PALMD: variants seen among roughly 807,000 people sequenced by gnomAD.
The protein encoded by PALMD is paralemmin-like protein.
PALMD carries 42 observed loss-of-function variants against 56.2 expected under a neutral mutation model. The observed-to-expected ratio is 0.75, with a 90% confidence interval of 0.58 to 0.97. PALMD has a LOEUF of 0.97. PALMD is among the 50% of genes least tolerant of loss of function. The pLI, the probability that PALMD is intolerant of heterozygous loss-of-function variation, is 0.00. For synonymous variants in PALMD, 242 were observed against 222.9 expected (o/e 1.09, Z -0.76); for missense variants, 660 against 643.8 (o/e 1.03, Z -0.27).
chr1:99,659,326 G>A (rs143696230), intron 1 of PALMD, among the ~76,000 whole-genome samples: 47 of 152,236 alleles, frequency 3.1e-4, no homozygotes, highest in African/African-American at 1.0e-3. Flanking sequence ...ATTTCTGGGC[G>A]TCAGTTGCTA....
chr1:99,654,547 C>T (rs1271736545), intron 1 of PALMD, among the ~76,000 whole-genome samples: 1 of 152,000 alleles, frequency 6.6e-6, no homozygotes, highest in East Asian at 1.9e-4. Flanking sequence ...TCATATACTT[C>T]CAAATTTATT....
chr1:99,689,373 C>A lies in PALMD; in HGVS notation c.1113C>A (p.Pro371=). 6.2e-7 allele frequency: 1 copy of A among 1,613,734 alleles called. No individual in the cohort carries two copies. Residue 371 remains proline, a synonymous_variant, in exon 7 of 8, where the codon CCC becomes CCA. Coordinates refer to ENST00000263174, the MANE Select transcript of PALMD (RefSeq NM_017734.5). ...CCTCTCCAAAGCCAAGGCTGAGCCC[C>A]AGAGAGACAATATTTGGGAAATCTG... ...DAPSPKPRLS[P]RETIFGKSEH...
intron 2 of PALMD, among the ~76,000 whole-genome samples, chr1:99,664,337 G>A (rs1300505270): frequency 1.3e-5 from 2 of 152,202 alleles, no homozygotes; most frequent in African/African-American, 4.8e-5. Flanking sequence ...GATTCAAGCT[G>A]AGTCTTAACT....
At chr1:99,662,485 G>A in intron 2 of PALMD, 86 bp downstream of exon 2, 2 of 810,746 alleles carry the variant, frequency 2.5e-6, no homozygotes, top group African/African-American at 1.8e-5. Flanking sequence ...AAAAGCTTTA[G>A]GAAAGAAAAA....
intron 3 of PALMD, among the ~76,000 whole-genome samples, chr1:99,677,076 C>A (rs1653233364): frequency 1.3e-5 from 2 of 151,956 alleles, no homozygotes; most frequent in Admixed American, 6.6e-5. Flanking sequence ...TCACTGCAAA[C>A]CTTAACCATT....
intron 1 of PALMD, among the ~76,000 whole-genome samples, chr1:99,651,393 A>T (rs1419566629): frequency 2.0e-5 from 3 of 152,244 alleles, no homozygotes; most frequent in Non-Finnish European, 4.4e-5. Context: ...TCCTCTACTG[A>T]CAAAGATCCC....
At chr1:99,656,553 A>G (rs145311125) in intron 1 of PALMD, among the ~76,000 whole-genome samples, 8 of 152,314 alleles carry the variant, frequency 5.3e-5, no homozygotes, top group African/African-American at 1.9e-4. Flanking sequence ...ACATTCAACT[A>G]TTTTAATTCT....
Position 99,672,374 on chromosome 1 carries a change from C to T in PALMD, c.251+4608C>T, listed in dbSNP as rs928858079. The stretch of plus-strand genomic sequence containing the variant: ...GTTTCAATTTGCCTCCCAAAAGAGC[C>T]CTGCGCTTACTGCGACCACTGAACC... On this transcript the variant is annotated intron_variant, in intron 3 of 7. Coordinates refer to ENST00000263174, the MANE Select transcript of PALMD (RefSeq NM_017734.5). Among the ~76,000 whole-genome samples the T allele has an allele frequency of 9.2e-5, 14 of 152,212 alleles. No individual in the cohort carries two copies. The East Asian group carries it at 2.7e-3, about 29-fold the overall frequency.
chr1:99,667,594 A>G, intron 2 of PALMD, 48 bp from the exon 3 acceptor site: 1 of 1,542,072 alleles, frequency 6.5e-7, no homozygotes. Context: ...GAGATTTTGG[A>G]AATTATTGAC....
chr1:99,648,185 G>A (rs1484639636), intron 1 of PALMD, among the ~76,000 whole-genome samples: 2 of 152,140 alleles, frequency 1.3e-5, no homozygotes, highest in African/African-American at 4.8e-5. Context: ...CTTGTATAAA[G>A]GTTGTAGGGA....
At chr1:99,668,489 C>G (rs969476972) in intron 3 of PALMD, 1 of 152,260 alleles carries the variant, frequency 6.6e-6, no homozygotes, top group Non-Finnish European at 1.5e-5. Flanking sequence ...GCCCCAGCCC[C>G]TACTCTCACC....
chr1:99,689,770 A>C lies in PALMD; in HGVS notation c.1510A>C (p.Ile504Leu). 6.2e-7 allele frequency: 1 copy of C among 1,613,862 alleles called. No individual in the cohort carries two copies. The highest frequency in any genetic ancestry group is 8.5e-7 in the Non-Finnish European group (1 of 1,179,878). ...TCATAAATCCCCCCACAAAAATTCC[A>C]TATCTCTGAAAGAGCAAGAAGAAAG... Reference protein sequence around the residue: ...TNHKSPHKNSISLKEQEESLG... With the variant: ...TNHKSPHKNSLSLKEQEESLG... The change falls in exon 7 of 8, where the codon ATA (isoleucine) becomes CTA (leucine). Residue 504 changes from isoleucine to leucine, a missense_variant. Physicochemically the swap from Ile to Leu is conservative, Grantham distance 5 (BLOSUM62 2). Transcript: ENST00000263174.
intron 7 of PALMD, among the ~76,000 whole-genome samples, chr1:99,690,477 T>C (rs1417530969): frequency 1.3e-5 from 2 of 152,188 alleles, no homozygotes; most frequent in Admixed American, 6.5e-5. Flanking sequence ...TTAGCATATT[T>C]ATCTTTTCTA....
intron 1 of PALMD, among the ~76,000 whole-genome samples, chr1:99,652,699 A>AAAGGAAAGGAAAGGAAAG (rs1557666517): frequency 1.2e-4 from 10 of 83,504 alleles, no homozygotes; most frequent in African/African-American, 4.1e-4. Flanking sequence ...GGAAAGGAAA[A>AAAGGAAAGGAAAGGAAAG]GAAAAGAAAA....
intron 3 of PALMD, among the ~76,000 whole-genome samples, chr1:99,678,251 C>T (rs750543348): frequency 4.0e-5 from 6 of 151,698 alleles, no homozygotes; most frequent in Admixed American, 1.3e-4. Context: ...TATATAGGTG[C>T]GTGCCACCAT....
In PALMD at chr1:99,688,783, G is replaced by A. The variant is rs763659937; in HGVS notation, c.523G>A (p.Ala175Thr). Residue 175 changes from alanine (A) to threonine (T), a missense_variant, in exon 7 of 8, where the codon GCC becomes ACC. Ala to Thr is a moderately conservative substitution (Grantham distance 58, BLOSUM62 0). Coordinates refer to ENST00000263174, the MANE Select transcript of PALMD (RefSeq NM_017734.5). Reference sequence around the variant, plus strand: ...AATTTGTTTCTTAACAGCTTTATATGCCATGGAAATTAAAGTTGAAAAAGA... The same window carrying A: ...AATTTGTTTCTTAACAGCTTTATATACCATGGAAATTAAAGTTGAAAAAGA... ...DDEQNRKALY[A>T]MEIKVEKDLK... 1 of 1,592,918 alleles carries A rather than the reference G, an allele frequency of 6.3e-7. No individual in the cohort carries two copies. Among genetic ancestry groups the A allele is most frequent in the Non-Finnish European group, 8.5e-7 (1 of 1,169,672 alleles).
At chr1:99,673,075 A>G (rs944697466) in intron 3 of PALMD, among the ~76,000 whole-genome samples, 2 of 152,136 alleles carry the variant, frequency 1.3e-5, no homozygotes, top group African/African-American at 4.8e-5. Context: ...CTTAAGGAAA[A>G]TTCCTCCACA....
intron 3 of PALMD, among the ~76,000 whole-genome samples, chr1:99,680,802 A>G (rs975903758): frequency 1.3e-5 from 2 of 152,106 alleles, no homozygotes; most frequent in Admixed American, 1.3e-4. Context: ...ATATGTGTGT[A>G]TATCTATGTA....
chr1:99,656,912 C>A (rs952553916), intron 1 of PALMD, among the ~76,000 whole-genome samples: 1 of 152,148 alleles, frequency 6.6e-6, no homozygotes. Flanking sequence ...TCAGTGGTTG[C>A]CCTTTGTGCT....
Sources: allele counts gnomAD v4.1 joint callset (sites outside exome capture counted in the v4.1 genomes callset), GRCh38; gene constraint gnomAD v4.1.1; transcripts MANE v1.5; gene names NCBI Gene and HGNC (gene_info 2026-07-23, HGNC 2026-07-21).